APBA1: variants seen among roughly 807,000 people sequenced by gnomAD.
APBA1 encodes amyloid beta precursor protein binding family A member 1.
APBA1 carries 55 observed loss-of-function variants against 86.6 expected under a neutral mutation model. That is an observed-to-expected ratio of 0.64 (90% CI 0.51 to 0.80). The LOEUF (loss-of-function observed/expected upper bound fraction) is 0.80. Ranked by LOEUF, APBA1 falls within the 30% of genes least tolerant of loss-of-function variation. The pLI is 0.00. For synonymous variants in APBA1, 511 were observed against 493.9 expected, an observed-to-expected ratio of 1.03 and a Z score of -0.46; for missense variants, 1,090 against 1,183.0, an observed-to-expected ratio of 0.92 and a Z score of 1.15.
chr9:69,609,340 G>A (rs1193859031), intron 1 of APBA1, among the ~76,000 whole-genome samples: 1 of 152,090 alleles, frequency 6.6e-6, no homozygotes. Context: ...ACACAACTTT[G>A]CACAAAGGCC....
intron 1 of APBA1, among the ~76,000 whole-genome samples, chr9:69,574,854 A>G (rs1295764692): frequency 1.3e-5 from 2 of 152,210 alleles, no homozygotes; most frequent in East Asian, 3.9e-4. Context: ...AGAGCAGCAC[A>G]GGGAGACTAT....
intron 8 of APBA1, among the ~76,000 whole-genome samples, chr9:69,455,072 G>A (rs1273437008): frequency 5.9e-5 from 9 of 152,166 alleles, no homozygotes; most frequent in South Asian, 4.2e-4. Flanking sequence ...CTGGTTCCCC[G>A]GAGAAAAAAG....
rs539293666 is a variant in APBA1, at chr9:69,540,295, C to T, written c.-69-23016G>A. On this transcript the variant is annotated intron_variant, in intron 1 of 12. Transcript: ENST00000265381. ...TTTATTGTTGGTCTCTCTCCCCCAC[C>T]ATGACTGTGTCCCTAGTGTCTGGAA... 2.0e-5 allele frequency among the ~76,000 whole-genome samples: 3 copies of T among 152,238 alleles called. No individual in the cohort carries two copies. The South Asian group carries it at 6.2e-4, about 32-fold the overall frequency.
intron 1 of APBA1, among the ~76,000 whole-genome samples, chr9:69,544,172 C>T (rs1304057883): frequency 6.6e-6 from 1 of 152,188 alleles, no homozygotes; most frequent in African/African-American, 2.4e-5. Context: ...AGTTTGCAAA[C>T]AGTACCTGCA....
In APBA1 at chr9:69,516,880, C is replaced by T; in HGVS notation, c.331G>A (p.Asp111Asn). ...RDGYDAERAQDPEDESAYAVQ... is the reference protein window; with the variant it reads ...RDGYDAERAQNPEDESAYAVQ... ...GCATAGGCGCTCTCGTCCTCGGGGT[C>T]CTGCGCGCGCTCCGCATCGTAGCCG... Residue 111 changes from aspartate to asparagine, a missense_variant, in exon 2 of 13, where the codon GAC (aspartate) becomes AAC (asparagine). Coordinates refer to ENST00000265381, the MANE Select transcript of APBA1 (RefSeq NM_001163.4). This position sits in a 1 kb window ranked among gnomAD's most constrained non-coding sequence, Gnocchi z 7.3. The T allele has an allele frequency of 6.3e-7, 1 of 1,594,808 alleles. No homozygotes were observed. The highest frequency in any genetic ancestry group is 8.5e-7 in the Non-Finnish European group (1 of 1,176,590).
intron 1 of APBA1, among the ~76,000 whole-genome samples, chr9:69,580,445 T>C (rs988455608): frequency 6.6e-6 from 1 of 152,128 alleles, no homozygotes; most frequent in Non-Finnish European, 1.5e-5. Context: ...GGACAGACAC[T>C]GAGAAAGGAA....
chr9:69,435,244 A>G (rs1002261445), intron 11 of APBA1, among the ~76,000 whole-genome samples: 14 of 152,142 alleles, frequency 9.2e-5, no homozygotes, highest in Admixed American at 5.2e-4. Context: ...GAATAGTGCC[A>G]CAATAAACAT....
At chr9:69,439,340 G>A (rs1230282333) in intron 11 of APBA1, among the ~76,000 whole-genome samples, 1 of 149,606 alleles carries the variant, frequency 6.7e-6, no homozygotes, top group Non-Finnish European at 1.5e-5. Context: ...GCTAGATTGG[G>A]GAAATTCTCC....
intron 9 of APBA1, among the ~76,000 whole-genome samples, chr9:69,450,777 C>G (rs1834993870): frequency 6.6e-6 from 1 of 151,788 alleles, no homozygotes; most frequent in African/African-American, 2.4e-5. Context: ...TCCAATATTA[C>G]TCATGTCCTT....
chr9:69,525,990 G>T (rs923650921), intron 1 of APBA1, among the ~76,000 whole-genome samples: 4 of 152,122 alleles, frequency 2.6e-5, no homozygotes, highest in Non-Finnish European at 4.4e-5. Context: ...TTCAATAAAT[G>T]GTGCTAGGAT....
intron 1 of APBA1, among the ~76,000 whole-genome samples, chr9:69,666,860 G>C (rs1326707996): frequency 1.3e-5 from 2 of 152,160 alleles, no homozygotes; most frequent in Non-Finnish European, 2.9e-5. Context: ...CATTGTGTAA[G>C]AATGAAATCC....
At chr9:69,664,855 G>T (rs925459878) in intron 1 of APBA1, among the ~76,000 whole-genome samples, 2 of 152,182 alleles carry the variant, frequency 1.3e-5, no homozygotes, top group Non-Finnish European at 2.9e-5. Flanking sequence ...GAACAGAACT[G>T]CAGGCAGTTG....
Position 69,444,150 on chromosome 9 carries a change from A to G in APBA1, c.2182-3035T>C, listed in dbSNP as rs111691769. On this transcript the variant is annotated intron_variant, in intron 10 of 12. Transcript: ENST00000265381. ...TTGAGCCTCCCCATGGCTGTCACTC[A>G]GCTTGTGGCCTCGATGTACCATGCG... Among the ~76,000 whole-genome samples, 145 of 152,262 alleles carry G rather than the reference A, an allele frequency of 9.5e-4. 2 individuals are homozygous for G. Among genetic ancestry groups the G allele is most frequent in the African/African-American group, 3.2e-3 (135 of 41,544 alleles).
At chr9:69,648,917 G>T (rs1312817584) in intron 1 of APBA1, among the ~76,000 whole-genome samples, 2 of 151,970 alleles carry the variant, frequency 1.3e-5, no homozygotes, top group Non-Finnish European at 2.9e-5. Flanking sequence ...TCCCTTTCAC[G>T]CTCCCAAACG....
intron 1 of APBA1, among the ~76,000 whole-genome samples, chr9:69,669,767 C>T (rs561842489): frequency 2.5e-3 from 380 of 152,266 alleles, no homozygotes; most frequent in African/African-American, 8.9e-3. Context: ...GAGGAAGATC[C>T]TGTCTCAAAA....
At chr9:69,573,056 A>C (rs1837141570) in intron 1 of APBA1, among the ~76,000 whole-genome samples, 1 of 152,100 alleles carries the variant, frequency 6.6e-6, no homozygotes, top group African/African-American at 2.4e-5. Flanking sequence ...GCTGCTCAGG[A>C]GGCTGATGCA....
chr9:69,481,354 C>T (rs1196004341), intron 2 of APBA1, among the ~76,000 whole-genome samples: 5 of 151,928 alleles, frequency 3.3e-5, no homozygotes, highest in African/African-American at 4.8e-5. Flanking sequence ...AAATCATGAG[C>T]GAACTCCCAT....
chr9:69,629,823 G>A (rs960388797), intron 1 of APBA1, among the ~76,000 whole-genome samples: 1 of 152,158 alleles, frequency 6.6e-6, no homozygotes, highest in Non-Finnish European at 1.5e-5. Flanking sequence ...TAATAAGCAA[G>A]CAAACAACTG....
At position 69,467,736 on chromosome 9, in the gene APBA1, T is replaced by C. The variant is rs188113637; in HGVS notation, c.1482+87A>G. On this transcript the variant is annotated intron_variant, in intron 5 of 12. Transcript: ENST00000265381. ...CATCTCAAACCACTCTCCTCTAAAC[T>C]ATATGTGGAGTTGTGGCCAGTGTTG... The C allele has an allele frequency of 1.6e-4, 249 of 1,530,028 alleles. 1 individual carries two copies. The African/African-American group carries it at 3.0e-3, about 19-fold the overall frequency. The allele number at this position is 1,530,028 out of a possible 1,614,324, so 94.8% of individuals were successfully genotyped here.
Sources: allele counts gnomAD v4.1 joint callset (sites outside exome capture counted in the v4.1 genomes callset), GRCh38; gene constraint gnomAD v4.1.1; non-coding constraint Gnocchi (gnomAD v3.1); transcripts MANE v1.5; gene names NCBI Gene and HGNC (gene_info 2026-07-23, HGNC 2026-07-21).